Variants in YLPM1 observed in about 807,000 individuals in gnomAD.
The protein encoded by YLPM1 is YLP motif containing 1, also known as YLP motif-containing protein 1.
A neutral mutation model predicts 230.0 loss-of-function variants in YLPM1; 99 were observed. The ratio of observed to expected loss-of-function variants is 0.43; its 90% CI spans 0.37 to 0.51. The LOEUF is 0.51. Ranked by LOEUF, YLPM1 falls within the 20% of genes least tolerant of loss-of-function variation. YLPM1 has a pLI of 0.00. For synonymous variants in YLPM1, 984 were observed against 942.5 expected, an observed-to-expected ratio of 1.04 and a Z score of -0.81; for missense variants, 2,592 against 2,707.7, an observed-to-expected ratio of 0.96 and a Z score of 0.95.
intron 6 of YLPM1, among the ~76,000 whole-genome samples, chr14:74,809,110 T>G (rs1594834108): frequency 6.6e-6 from 1 of 151,652 alleles, no homozygotes; most frequent in Non-Finnish European, 1.5e-5. Context: ...GGCCATAGTT[T>G]TTTTTTTTTT....
At chr14:74,776,208 A>G (rs2091036173) in intron 1 of YLPM1, among the ~76,000 whole-genome samples, 2 of 152,096 alleles carry the variant, frequency 1.3e-5, no homozygotes, top group East Asian at 3.9e-4. Context: ...AGTTTTCTTT[A>G]TTTGAGATTT....
At chr14:74,770,065 C>A (rs532261465) in intron 1 of YLPM1, among the ~76,000 whole-genome samples, 30 of 151,594 alleles carry the variant, frequency 2.0e-4, no homozygotes, top group African/African-American at 6.8e-4. Context: ...GCCTGTAGTC[C>A]CAACTTCTCA....
Position 74,816,977 on chromosome 14 carries a change from C to A in YLPM1, c.5732C>A (p.Thr1911Asn), listed in dbSNP as rs533412670. 1.9e-6 allele frequency: 3 copies of A among 1,606,360 alleles called. No homozygotes were observed. Among genetic ancestry groups the A allele is most frequent in the East Asian group, 4.5e-5 (2 of 44,806 alleles). ...GCTGAGATGGAGGAGACTTACCGCA[C>A]CAGCATGTTCAAAACTTTCAAAAAG... ...YEAEMEETYRTSMFKTFKKTL... is the reference protein window; with the variant it reads ...YEAEMEETYRNSMFKTFKKTL... The change falls in exon 14 of 21, where the codon ACC becomes AAC. Residue 1911 changes from threonine (T) to asparagine (N), a missense_variant. Physicochemically the swap from Thr to Asn is moderately conservative, Grantham distance 65 (BLOSUM62 0). Transcript: ENST00000325680.
At position 74,835,403 on chromosome 14, in the gene YLPM1, T is replaced by C; in HGVS notation, c.6433T>C (p.Tyr2145His). ...TGAAAAAGCCCTCAATCGAACCAAA[T>C]ATATATGAGACTTAGTTTTTGAACG... ...LAEKALNRTK[Y>H]I The change falls in exon 20 of 21, where the codon TAT (tyrosine) becomes CAT (histidine). Residue 2145 changes from tyrosine to histidine, a missense_variant. Coordinates refer to ENST00000325680, the MANE Select transcript of YLPM1 (RefSeq NM_019589.3). The C allele has an allele frequency of 1.2e-6, 2 of 1,613,460 alleles. No homozygotes were observed. The highest frequency in any genetic ancestry group is 1.7e-6 in the Non-Finnish European group (2 of 1,179,574).
chr14:74,822,225 C>T (rs1594843952), intron 17 of YLPM1: 1 of 152,248 alleles, frequency 6.6e-6, no homozygotes, highest in Non-Finnish European at 1.5e-5. Flanking sequence ...GGTCCACGCT[C>T]TTCTGGAATA....
At chr14:74,805,609 C>G (rs1188149762) in intron 6 of YLPM1, among the ~76,000 whole-genome samples, 1 of 152,066 alleles carries the variant, frequency 6.6e-6, no homozygotes. Flanking sequence ...CCTTGTCCTC[C>G]CAGAGTGCTG....
In YLPM1 at chr14:74,810,413, G is replaced by A; in HGVS notation, c.5221G>A (p.Asp1741Asn). ...ATTTGACAGAGAACGCCGACCCCGAGATGATAGGTATGCTATAAAACAATC... is the reference window on the plus strand; with the variant it reads ...ATTTGACAGAGAACGCCGACCCCGAAATGATAGGTATGCTATAAAACAATC... ...DRFDRERRPR[D>N]DRAQSYRDKK... The change falls in exon 9 of 21, where the codon GAT (aspartate) becomes AAT (asparagine). Residue 1741 changes from aspartate to asparagine, a missense_variant. Asp to Asn is a conservative substitution (Grantham distance 23). This residue lies in a region of YLPM1 where 403 missense variants were observed against 426.7 expected (regional missense o/e 0.94). Coordinates refer to ENST00000325680, the MANE Select transcript of YLPM1 (RefSeq NM_019589.3). The A allele has an allele frequency of 1.9e-6, 3 of 1,613,712 alleles. No homozygotes were observed. Among genetic ancestry groups the A allele is most frequent in the Non-Finnish European group, 2.5e-6 (3 of 1,179,824 alleles).
chr14:74,835,313 G>A lies in YLPM1; in HGVS notation c.6343G>A (p.Ala2115Thr). ...GAAGAAGGATGCAGATAGGAAAAGG[G>A]CCATAGGTTTTGTGGTCGGACAGAC... ...EEKKDADRKR[A>T]IGFVVGQTDW... The change falls in exon 20 of 21, where the codon GCC becomes ACC. Residue 2115 changes from alanine to threonine, a missense_variant. Transcript: ENST00000325680. The A allele has an allele frequency of 6.2e-7, 1 of 1,613,700 alleles. No homozygotes were observed.
At position 74,821,104 on chromosome 14, in the gene YLPM1, AAAG is replaced by A; in HGVS notation, c.6081_6083del (p.Lys2028del). 1 of 1,549,812 alleles carries A rather than the reference AAAG, an allele frequency of 6.5e-7. No homozygotes were observed. Among genetic ancestry groups the A allele is most frequent in the Non-Finnish European group, 8.7e-7 (1 of 1,146,438 alleles). On this transcript the variant is annotated inframe_deletion, in exon 17 of 21. Coordinates refer to ENST00000325680, the MANE Select transcript of YLPM1 (RefSeq NM_019589.3). ...CAAATATCGAAGAACAGAAAGAAGAAAAGAAAGATGCAGAGGAAGAGGAAAGCG... is the reference window on the plus strand; with the variant it reads ...CAAATATCGAAGAACAGAAAGAAGAAAAAGATGCAGAGGAAGAGGAAAGCG...
chr14:74,783,924 A>G (rs1435949509), intron 4 of YLPM1, among the ~76,000 whole-genome samples: 1 of 152,222 alleles, frequency 6.6e-6, no homozygotes, highest in Non-Finnish European at 1.5e-5. Flanking sequence ...TTGCTCAGTC[A>G]GGATTATTTA....
Position 74,797,796 on chromosome 14 carries a change from T to G in YLPM1, c.2499T>G (p.Ser833Arg). The change falls in exon 5 of 21, where the codon AGT (serine) becomes AGG (arginine). Residue 833 changes from serine to arginine, a missense_variant. Coordinates refer to ENST00000325680, the MANE Select transcript of YLPM1 (RefSeq NM_019589.3). ...TPSTSLSPRQSGPQWKGPKPA... is the reference protein window; with the variant it reads ...TPSTSLSPRQRGPQWKGPKPA... ...GTACATCCCTAAGTCCTCGACAGAG[T>G]GGACCACAGTGGAAAGGCCCCAAAC... 1.2e-6 allele frequency: 2 copies of G among 1,613,722 alleles called. No individual in the cohort carries two copies. Among genetic ancestry groups the G allele is most frequent in the Non-Finnish European group, 1.7e-6 (2 of 1,179,852 alleles).
At chr14:74,773,524 G>A (rs993919630) in intron 1 of YLPM1, among the ~76,000 whole-genome samples, 2 of 152,024 alleles carry the variant, frequency 1.3e-5, no homozygotes, top group Admixed American at 1.3e-4. Flanking sequence ...TTTTAATAAT[G>A]CTTTCAAAGC....
rs143398457 is a variant in YLPM1, at chr14:74,781,225, T to C, written c.1291-109T>C. 2.4e-3 allele frequency: 2,871 copies of C among 1,197,552 alleles called. 57 individuals carry two copies. The African/African-American group carries it at 0.039, about 16-fold the overall frequency. The allele number at this position is 1,197,552 out of a possible 1,614,324, so 74.2% of individuals were successfully genotyped here. On this transcript the variant is annotated intron_variant, in intron 3 of 20. Coordinates refer to ENST00000325680, the MANE Select transcript of YLPM1 (RefSeq NM_019589.3). Reference sequence around the variant, plus strand: ...ATTCTTAGCCTCCCAAAGTCTTTAGTGTTCTAATTTCCTAAAGCGTCAAAT... The same window carrying C: ...ATTCTTAGCCTCCCAAAGTCTTTAGCGTTCTAATTTCCTAAAGCGTCAAAT...
Position 74,781,799 on chromosome 14 carries a change from G to A in YLPM1, c.1756G>A (p.Gly586Arg), listed in dbSNP as rs72732190. ...PGMPPSLSSA[G>R]PPPVLPPPSL... ...GATGCCTCCTTCTCTCTCTTCTGCA[G>A]GGCCACCACCAGTTCTCCCCCCACC... The change falls in exon 4 of 21, where the codon GGG (glycine) becomes AGG (arginine). Residue 586 changes from glycine to arginine, a missense_variant. This residue lies in a region of YLPM1 where 1,862 missense variants were observed against 1,819.8 expected (regional missense o/e 1.02). Coordinates refer to ENST00000325680, the MANE Select transcript of YLPM1 (RefSeq NM_019589.3). The A allele has an allele frequency of 6.2e-5, 99 of 1,609,634 alleles. No homozygotes were observed. Among genetic ancestry groups the A allele is most frequent in the Non-Finnish European group, 7.9e-5 (93 of 1,178,880 alleles).
chr14:74,835,704 T>G, intron 20 of YLPM1, 71 bp from the exon 21 acceptor site: 1 of 414,548 alleles, frequency 2.4e-6, no homozygotes, highest in South Asian at 2.1e-5. Context: ...ACTGAAATGA[T>G]GTTATACTAA....
chr14:74,777,416 A>G (rs1439283456), intron 1 of YLPM1, among the ~76,000 whole-genome samples: 4 of 151,738 alleles, frequency 2.6e-5, no homozygotes. Context: ...AAATAAAAAA[A>G]TTTAGCTGGG....
At chr14:74,829,747 G>T (rs1183519192) in intron 19 of YLPM1, among the ~76,000 whole-genome samples, 1 of 152,168 alleles carries the variant, frequency 6.6e-6, no homozygotes, top group Non-Finnish European at 1.5e-5. Flanking sequence ...AGCACTGCAT[G>T]TGTGTAGTAC....
At position 74,764,146 on chromosome 14, in the gene YLPM1, C is replaced by T. The variant is rs750591601; in HGVS notation, c.657C>T (p.Ser219=). The change falls in exon 1 of 21, where the codon AGC becomes AGT. Residue 219 remains serine, a synonymous_variant. Coordinates refer to ENST00000325680, the MANE Select transcript of YLPM1 (RefSeq NM_019589.3). ...SSSSSSQSYL[S]HSQSYLPSSQ... ...CCTCTTCCTCGCAATCCTATTTGAG[C>T]CATTCCCAGTCCTACTTGCCCTCTT... The T allele has an allele frequency of 1.9e-6, 3 of 1,613,580 alleles. No homozygotes were observed. Among genetic ancestry groups the T allele is most frequent in the East Asian group, 2.2e-5 (1 of 44,856 alleles).
intron 6 of YLPM1, among the ~76,000 whole-genome samples, chr14:74,804,943 T>A (rs1423045684): frequency 1.3e-5 from 2 of 152,192 alleles, no homozygotes; most frequent in Non-Finnish European, 2.9e-5. Flanking sequence ...GTTTCTAATC[T>A]TTCACTGTTA....
Sources: gnomAD v4.1 joint callset for allele counts (sites outside exome capture counted in the v4.1 genomes callset) on GRCh38, gnomAD v4.1.1 for gene constraint, gnomAD v4.1.1 regional missense constraint, MANE v1.5 for transcripts, NCBI Gene and HGNC (gene_info 2026-07-23, HGNC 2026-07-21) for gene names.